EML1: variants seen among roughly 807,000 people sequenced by gnomAD.
The protein encoded by EML1 is echinoderm microtubule-associated protein-like 1.
In EML1, 27 loss-of-function variants were observed where a neutral mutation model predicts 110.4. That is an observed-to-expected ratio of 0.24 (90% confidence interval 0.18 to 0.34). The LOEUF is 0.34. Among genes scored for constraint, EML1 ranks in the 10% least tolerant of loss-of-function variants. The pLI is 1.00. For missense variants in EML1, 741 were observed against 1,030.9 expected, an observed-to-expected ratio of 0.72 and a Z score of 3.85; for synonymous variants, 344 against 385.8, an observed-to-expected ratio of 0.89 and a Z score of 1.27.
chr14:99,885,117 C>T (rs73360333), intron 4 of EML1, among the ~76,000 whole-genome samples: 4,018 of 152,354 alleles, frequency 0.026, 169 homozygotes, highest in African/African-American at 0.091. Flanking sequence ...GTACTTTACA[C>T]AGCACTTGGT....
Position 99,940,008 on chromosome 14 carries a change from G to A in EML1, c.2344G>A (p.Gly782Arg), listed in dbSNP as rs369564518. Residue 782 changes from glycine to arginine, a missense_variant, in exon 22 of 22, where the codon GGG (glycine) becomes AGG (arginine). Transcript: ENST00000262233. Reference protein sequence around the residue: ...QFRAPSHIYGGHSSHVTNVDF... With the variant: ...QFRAPSHIYGRHSSHVTNVDF... ...CCAGGCTCCAAGCCACATCTACGGC[G>A]GGCACAGCAGCCATGTCACCAATGT... 29 of 1,583,870 alleles carry A rather than the reference G, an allele frequency of 1.8e-5. No homozygotes were observed. The highest frequency in any genetic ancestry group is 1.4e-5 in the African/African-American group (1 of 73,726).
chr14:99,859,956 G>T (rs185011392), intron 2 of EML1, among the ~76,000 whole-genome samples: 3 of 152,104 alleles, frequency 2.0e-5, no homozygotes, highest in Non-Finnish European at 4.4e-5. Flanking sequence ...TAGAAACTTC[G>T]CATTGCTCAT....
chr14:99,809,652 A>T, intron 1 of EML1: 1 of 456,090 alleles, frequency 2.2e-6, no homozygotes, highest in Non-Finnish European at 4.4e-6. Context: ...CGATTTCAAC[A>T]TCCAGAAAGC....
At chr14:99,863,459 G>A (rs540537786) in intron 2 of EML1, among the ~76,000 whole-genome samples, 1 of 152,154 alleles carries the variant, frequency 6.6e-6, no homozygotes, top group Non-Finnish European at 1.5e-5. Context: ...CCCCATGATG[G>A]TATCTTACAG....
At chr14:99,746,149 A>G (rs1299703376) in intron 1 of EML1, among the ~76,000 whole-genome samples, 1 of 152,202 alleles carries the variant, frequency 6.6e-6, no homozygotes, top group Non-Finnish European at 1.5e-5. Flanking sequence ...TAGACGAGCA[A>G]ATGGAGATTT....
chr14:99,773,898 G>C (rs538553709), exon 1 of EML1: 1 of 152,300 alleles, frequency 6.6e-6, no homozygotes, highest in African/African-American at 2.4e-5. Context: ...GTGGGATACC[G>C]GCGCTCTGCT....
chr14:99,903,655 A>G (rs2059795759), intron 9 of EML1, among the ~76,000 whole-genome samples: 1 of 152,216 alleles, frequency 6.6e-6, no homozygotes, highest in Non-Finnish European at 1.5e-5. Flanking sequence ...TACAGCCCAA[A>G]GAAAGCCAAT....
At chr14:99,800,599 G>A (rs2057857837) in intron 1 of EML1, among the ~76,000 whole-genome samples, 1 of 152,174 alleles carries the variant, frequency 6.6e-6, no homozygotes, top group Non-Finnish European at 1.5e-5. Flanking sequence ...CTCCTCAAGA[G>A]ATCCTCCTGC....
chr14:99,937,306 C>G (rs530966093), intron 19 of EML1, among the ~76,000 whole-genome samples: 1 of 152,338 alleles, frequency 6.6e-6, no homozygotes, highest in African/African-American at 2.4e-5. Flanking sequence ...CAGGGACAAG[C>G]CCTGGGTCTA....
chr14:99,810,076 G>A (rs1027062981), intron 1 of EML1, among the ~76,000 whole-genome samples: 3 of 152,126 alleles, frequency 2.0e-5, no homozygotes, highest in African/African-American at 7.2e-5. Context: ...TTGTATCTGC[G>A]GACACTCCCC....
chr14:99,858,012 A>C (rs2058933789), intron 2 of EML1, among the ~76,000 whole-genome samples: 1 of 152,090 alleles, frequency 6.6e-6, no homozygotes, highest in Non-Finnish European at 1.5e-5. Context: ...TAATTTCGAA[A>C]CCTTTTTAAA....
chr14:99,737,759 G>A (rs2056985861), exon 1 of EML1: 1 of 1,280,788 alleles, frequency 7.8e-7, no homozygotes, highest in Non-Finnish European at 1.0e-6. Flanking sequence ...AAGCCCTGCT[G>A]GGTGGGTGAC....
intron 1 of EML1, among the ~76,000 whole-genome samples, chr14:99,741,016 C>G (rs765529722): frequency 6.6e-6 from 1 of 152,216 alleles, no homozygotes; most frequent in Admixed American, 6.5e-5. Context: ...ACTTTACAAT[C>G]CTAAGCACCG....
intron 4 of EML1, among the ~76,000 whole-genome samples, chr14:99,882,049 A>G (rs1452342242): frequency 6.6e-6 from 1 of 152,204 alleles, no homozygotes; most frequent in Admixed American, 6.5e-5. Flanking sequence ...ACAAGCCACA[A>G]AATTTTAACA....
chr14:99,882,222 G>A (rs995918980), intron 4 of EML1, among the ~76,000 whole-genome samples: 10 of 152,078 alleles, frequency 6.6e-5, no homozygotes, highest in South Asian at 2.1e-4. Context: ...CAATAACATC[G>A]TGATGGAAGG....
upstream of EML1, among the ~76,000 whole-genome samples, chr14:99,788,668 A>C (rs545650065): frequency 2.4e-4 from 37 of 152,312 alleles, no homozygotes; most frequent in Non-Finnish European, 2.6e-4. Context: ...CACACACGAC[A>C]TAAAAGTTAC....
chr14:99,845,238 T>C (rs538759417), intron 1 of EML1, among the ~76,000 whole-genome samples: 1 of 152,348 alleles, frequency 6.6e-6, no homozygotes, highest in African/African-American at 2.4e-5. Flanking sequence ...CATTGTAGTT[T>C]TAATTTGCAT....
Position 99,910,350 on chromosome 14 carries a change from T to C in EML1, c.1339+9T>C. On this transcript the variant is annotated intron_variant, in intron 12 of 21. Coordinates refer to ENST00000262233, the MANE Select transcript of EML1 (RefSeq NM_004434.3). ...CTTAGTATGGGGAAAAGGTAATAAGTGATTGTTCCCAAAACCAATGGTTTT... is the reference window on the plus strand; with the variant it reads ...CTTAGTATGGGGAAAAGGTAATAAGCGATTGTTCCCAAAACCAATGGTTTT... 6.3e-7 allele frequency: 1 copy of C among 1,597,994 alleles called. No homozygotes were observed. Among genetic ancestry groups the C allele is most frequent in the Non-Finnish European group, 8.5e-7 (1 of 1,170,470 alleles).
chr14:99,898,494 G>A (rs560588532), intron 8 of EML1, among the ~76,000 whole-genome samples, 192 bp downstream of exon 8: 12 of 152,270 alleles, frequency 7.9e-5, no homozygotes, highest in Admixed American at 2.6e-4. Context: ...GCTCACGCCT[G>A]TAATCCCAGC....
Sources: gnomAD v4.1 joint callset for allele counts (sites outside exome capture counted in the v4.1 genomes callset) on GRCh38, gnomAD v4.1.1 for gene constraint, MANE v1.5 for transcripts, NCBI Gene and HGNC (gene_info 2026-07-23, HGNC 2026-07-21) for gene names.